CNTN1: variants seen among roughly 807,000 people sequenced by gnomAD.
CNTN1 encodes contactin 1, also known as contactin-1.
In CNTN1, 38 loss-of-function variants were observed where a neutral mutation model predicts 126.4. The observed-to-expected ratio is 0.30, with a 90% CI of 0.23 to 0.39. The LOEUF (loss-of-function observed/expected upper bound fraction) is 0.39, where lower values mean the gene tolerates loss of function less well. CNTN1 is among the 10% of genes least tolerant of loss of function. CNTN1 has a pLI of 1.00. For synonymous variants in CNTN1, 413 were observed against 422.6 expected, an observed-to-expected ratio of 0.98 and a Z score of 0.28; for missense variants, 1,009 against 1,248.4, an observed-to-expected ratio of 0.81 and a Z score of 2.89.
At chr12:40,732,127 A>G (rs1234340255) in intron 1 of CNTN1, among the ~76,000 whole-genome samples, 1 of 152,036 alleles carries the variant, frequency 6.6e-6, no homozygotes, top group Non-Finnish European at 1.5e-5. Context: ...TCATTAAACC[A>G]TTTGCCTCAC....
At chr12:40,771,644 T>G (rs887506777) in intron 1 of CNTN1, among the ~76,000 whole-genome samples, 1 of 151,962 alleles carries the variant, frequency 6.6e-6, no homozygotes, top group African/African-American at 2.4e-5. Context: ...GCAACTGAGC[T>G]GCAGAATTAA....
At chr12:40,916,423 A>G (rs571594001) in intron 3 of CNTN1, among the ~76,000 whole-genome samples, 1 of 152,270 alleles carries the variant, frequency 6.6e-6, no homozygotes, top group African/African-American at 2.4e-5. Context: ...ATCAGAGATA[A>G]GCACAAGGTC....
chr12:41,043,777 A>C (rs1949476949), intron 23 of CNTN1, among the ~76,000 whole-genome samples: 1 of 151,752 alleles, frequency 6.6e-6, no homozygotes, highest in Non-Finnish European at 1.5e-5. Flanking sequence ...AGACTGGATT[A>C]AGAAAATGTG....
intron 1 of CNTN1, among the ~76,000 whole-genome samples, chr12:40,779,553 ATTGAACCTT>A (rs1939712524): frequency 6.6e-6 from 1 of 151,854 alleles, no homozygotes; most frequent in African/African-American, 2.4e-5. Flanking sequence ...GTGGCCAGGG[ATTGAACCTT>A]AATTATAAGT....
Position 40,733,791 on chromosome 12 carries a change from G to C in CNTN1, c.-77+41199G>C, listed in dbSNP as rs182838498. Among the ~76,000 whole-genome samples, 13 of 152,146 alleles carry C rather than the reference G, an allele frequency of 8.5e-5. No individual in the cohort carries two copies. The East Asian group carries it at 2.5e-3, about 29-fold the overall frequency. On this transcript the variant is annotated intron_variant, in intron 1 of 23. Transcript: ENST00000551295. ...AATGGAATTTAGAAAGTTTGTCTCT[G>C]AAAGAGTACAGTCTTCAATTGATCC...
intron 1 of CNTN1, among the ~76,000 whole-genome samples, chr12:40,740,148 G>C (rs932812482): frequency 2.0e-5 from 3 of 151,840 alleles, no homozygotes; most frequent in South Asian, 2.1e-4. Context: ...ACTCAACCTT[G>C]TAATGAAACA....
At chr12:41,006,723 TG>T (rs924445343) in intron 17 of CNTN1, among the ~76,000 whole-genome samples, 1 of 152,216 alleles carries the variant, frequency 6.6e-6, no homozygotes, top group Admixed American at 6.5e-5. Context: ...GGAGGGCATT[TG>T]GGGACTAATA....
At chr12:40,911,134 G>C (rs977608176) in intron 3 of CNTN1, among the ~76,000 whole-genome samples, 13 of 152,074 alleles carry the variant, frequency 8.5e-5, no homozygotes, top group African/African-American at 3.1e-4. Context: ...AGGCTGGAGT[G>C]CAGCGGCGCG....
At chr12:40,908,332 C>T in intron 1 of CNTN1, 25 bp from the exon 2 acceptor site, 2 of 820,044 alleles carry the variant, frequency 2.4e-6, no homozygotes, top group Middle Eastern at 2.4e-4. Context: ...TTCTTTCCTT[C>T]TTCTTCTTTT....
At position 40,955,529 on chromosome 12, in the gene CNTN1, CATT is replaced by C. The variant is rs1041551425; in HGVS notation, c.1684-3582_1684-3580del. Among the ~76,000 whole-genome samples the C allele has an allele frequency of 3.9e-5, 6 of 151,954 alleles. No individual in the cohort carries two copies. The South Asian group carries it at 6.2e-4, about 16-fold the overall frequency. On this transcript the variant is annotated intron_variant, in intron 14 of 23. Coordinates refer to ENST00000551295, the MANE Select transcript of CNTN1 (RefSeq NM_001843.4). The stretch of plus-strand genomic sequence containing the variant: ...TCAAGTCAGTTATTTTATCTCATAA[CATT>C]ATCATTATCTTACCTGAAAAAACCA...
intron 3 of CNTN1, among the ~76,000 whole-genome samples, chr12:40,916,628 C>T (rs1224131301): frequency 6.6e-6 from 1 of 151,992 alleles, no homozygotes; most frequent in African/African-American, 2.4e-5. Flanking sequence ...GCTTTTACAG[C>T]CTCAAGAAGG....
intron 18 of CNTN1, 82 bp from the exon 19 acceptor site, chr12:41,016,600 C>T (rs550159697): frequency 1.5e-5 from 13 of 868,668 alleles, no homozygotes; most frequent in African/African-American, 1.5e-4. Flanking sequence ...AGCACGCCTC[C>T]GTGTGTGTCA....
intron 23 of CNTN1, among the ~76,000 whole-genome samples, chr12:41,036,721 A>T (rs1949275267): frequency 6.6e-6 from 1 of 152,182 alleles, no homozygotes; most frequent in Admixed American, 6.5e-5. Context: ...GTATTATGAT[A>T]ACCTCATAAT....
intron 1 of CNTN1, among the ~76,000 whole-genome samples, chr12:40,735,937 G>A (rs1453767263): frequency 6.6e-6 from 1 of 152,040 alleles, no homozygotes; most frequent in South Asian, 2.1e-4. Flanking sequence ...AGGTCTCATT[G>A]AGGAAATCAC....
intron 2 of CNTN1, 100 bp downstream of exon 2, chr12:40,908,593 C>T (rs990250988): frequency 2.3e-5 from 19 of 832,490 alleles, no homozygotes; most frequent in East Asian, 5.3e-5. Flanking sequence ...CTTATTTTCT[C>T]GACATCTGGG....
intron 23 of CNTN1, among the ~76,000 whole-genome samples, chr12:41,066,306 T>G (rs1335484545): frequency 6.6e-6 from 1 of 152,176 alleles, no homozygotes; most frequent in Non-Finnish European, 1.5e-5. Context: ...AGAGAGATTA[T>G]GCAATATAGA....
intron 23 of CNTN1, among the ~76,000 whole-genome samples, chr12:41,040,756 A>G (rs1418742699): frequency 6.6e-6 from 1 of 151,286 alleles, no homozygotes; most frequent in Non-Finnish European, 1.5e-5. Context: ...ATTTTTGTAC[A>G]TTGATTTTGT....
chr12:40,840,953 G>A (rs1477228273), intron 1 of CNTN1, among the ~76,000 whole-genome samples: 2 of 151,292 alleles, frequency 1.3e-5, no homozygotes, highest in Admixed American at 6.6e-5. Flanking sequence ...AAATAAAAAT[G>A]AGACCAGAAC....
At chr12:41,042,531 A>G (rs1254383544) in intron 23 of CNTN1, among the ~76,000 whole-genome samples, 1 of 152,032 alleles carries the variant, frequency 6.6e-6, no homozygotes, top group African/African-American at 2.4e-5. Flanking sequence ...AAAGTCTCCC[A>G]TTATTATTGT....
Sources: gnomAD v4.1 joint callset for allele counts (sites outside exome capture counted in the v4.1 genomes callset) on GRCh38, gnomAD v4.1.1 for gene constraint, MANE v1.5 for transcripts, NCBI Gene and HGNC (gene_info 2026-07-23, HGNC 2026-07-21) for gene names.